Variants in UNC5D observed in about 807,000 individuals in gnomAD.
UNC5D encodes netrin receptor UNC5D.
Under a neutral mutation model 105.4 loss-of-function variants are expected in UNC5D, and 39 were observed. The ratio of observed to expected loss-of-function variants is 0.37; its 90% CI spans 0.29 to 0.48. The LOEUF (loss-of-function observed/expected upper bound fraction) is 0.48. UNC5D is among the 20% of genes least tolerant of loss of function. UNC5D has a pLI of 0.98. For synonymous variants in UNC5D, 452 were observed against 450.4 expected, an observed-to-expected ratio of 1.00 and a Z score of -0.04; for missense variants, 991 against 1,202.4, an observed-to-expected ratio of 0.82 and a Z score of 2.60.
chr8:35,573,639 T>C (rs1465696522), intron 3 of UNC5D, among the ~76,000 whole-genome samples: 2 of 152,110 alleles, frequency 1.3e-5, no homozygotes, highest in Non-Finnish European at 2.9e-5. Flanking sequence ...TCATGTACAT[T>C]TGAGTGTTTC....
intron 4 of UNC5D, among the ~76,000 whole-genome samples, chr8:35,668,514 C>A (rs927431083): frequency 4.6e-5 from 7 of 151,972 alleles, no homozygotes; most frequent in Non-Finnish European, 1.0e-4. Flanking sequence ...TAAATCCTTC[C>A]TCATCCTAAT....
intron 1 of UNC5D, among the ~76,000 whole-genome samples, chr8:35,381,071 G>A (rs1017324280): frequency 3.3e-5 from 5 of 152,110 alleles, no homozygotes; most frequent in Non-Finnish European, 7.4e-5. Context: ...GAGTGAATGT[G>A]TGTGTGTGTG....
intron 1 of UNC5D, among the ~76,000 whole-genome samples, chr8:35,449,284 C>A (rs1486943044): frequency 6.6e-6 from 1 of 152,148 alleles, no homozygotes; most frequent in Non-Finnish European, 1.5e-5. Flanking sequence ...CTCCCTAACC[C>A]TGTGTTTCTC....
At chr8:35,321,450 A>G (rs1809733295) in intron 1 of UNC5D, among the ~76,000 whole-genome samples, 1 of 152,102 alleles carries the variant, frequency 6.6e-6, no homozygotes, top group Non-Finnish European at 1.5e-5. Flanking sequence ...AATGTTTGGT[A>G]GTTCCTCCTG....
chr8:35,722,540 C>CGG, intron 9 of UNC5D, 145 bp downstream of exon 9: 1 of 1,060,192 alleles, frequency 9.4e-7, no homozygotes, highest in Non-Finnish European at 1.3e-6. Context: ...ATGAACAGAC[C>CGG]GGGCTGGGTG....
At position 35,590,914 on chromosome 8, in the gene UNC5D, T is replaced by A. The variant is rs184638371; in HGVS notation, c.467-4640T>A. Among the ~76,000 whole-genome samples the A allele has an allele frequency of 6.5e-3, 990 of 152,286 alleles. 35 individuals carry two copies. Among genetic ancestry groups the A allele is most frequent in the Admixed American group, 0.054 (819 of 15,272 alleles). On this transcript the variant is annotated intron_variant, in intron 3 of 16. Transcript: ENST00000404895. ...AGCAATTTTAAGTTCATACCATTGG[T>A]TATGCATATTTATGATATATTATGC...
At chr8:35,713,379 T>C (rs894297842) in intron 8 of UNC5D, among the ~76,000 whole-genome samples, 2 of 152,226 alleles carry the variant, frequency 1.3e-5, no homozygotes, top group Non-Finnish European at 2.9e-5. Flanking sequence ...TTTCTAGAGC[T>C]GGAGTTCAAA....
intron 1 of UNC5D, among the ~76,000 whole-genome samples, chr8:35,533,502 TTGTC>T (rs1251161250): frequency 6.6e-6 from 1 of 152,166 alleles, no homozygotes; most frequent in Non-Finnish European, 1.5e-5. Context: ...GTCTTTTTGT[TTGTC>T]TGTGCCCTGC....
chr8:35,762,296 G>A (rs1462395085), intron 14 of UNC5D, among the ~76,000 whole-genome samples: 3 of 152,128 alleles, frequency 2.0e-5, no homozygotes, highest in East Asian at 1.9e-4. Flanking sequence ...TGAGATATGC[G>A]ATGAGAGCCT....
At chr8:35,348,935 T>C (rs944989975) in intron 1 of UNC5D, among the ~76,000 whole-genome samples, 3 of 151,840 alleles carry the variant, frequency 2.0e-5, no homozygotes, top group Non-Finnish European at 4.4e-5. Context: ...TTAGAAACAA[T>C]AAAACCCATT....
intron 1 of UNC5D, among the ~76,000 whole-genome samples, chr8:35,451,249 G>A (rs901262976): frequency 6.6e-6 from 1 of 151,924 alleles, no homozygotes; most frequent in Non-Finnish European, 1.5e-5. Context: ...CTCCATGTTG[G>A]TTAGGCTGGT....
intron 1 of UNC5D, among the ~76,000 whole-genome samples, chr8:35,367,466 G>T (rs1802181906): frequency 6.6e-6 from 1 of 152,188 alleles, no homozygotes; most frequent in African/African-American, 2.4e-5. Context: ...AATGAATCAT[G>T]TTGGGGACTA....
intron 4 of UNC5D, among the ~76,000 whole-genome samples, chr8:35,681,354 C>T (rs1825652260): frequency 6.6e-6 from 1 of 152,156 alleles, no homozygotes; most frequent in African/African-American, 2.4e-5. Context: ...TTCTATTTTA[C>T]CCATTCATTG....
At chr8:35,494,761 G>T (rs946607839) in intron 1 of UNC5D, among the ~76,000 whole-genome samples, 1 of 152,054 alleles carries the variant, frequency 6.6e-6, no homozygotes, top group Non-Finnish European at 1.5e-5. Flanking sequence ...AAATATATTC[G>T]TTATATTTTT....
chr8:35,632,928 A>G (rs112978575), intron 4 of UNC5D, among the ~76,000 whole-genome samples: 154 of 152,310 alleles, frequency 1.0e-3, no homozygotes, highest in Non-Finnish European at 1.7e-3. Flanking sequence ...TGTTTCTGCA[A>G]ACAACCTGCC....
At chr8:35,615,662 G>A (rs1279824705) in intron 4 of UNC5D, among the ~76,000 whole-genome samples, 1 of 151,934 alleles carries the variant, frequency 6.6e-6, no homozygotes, top group Non-Finnish European at 1.5e-5. Flanking sequence ...ATAGCATATT[G>A]CTTTTTAAAA....
chr8:35,298,243 G>A (rs1208432915), intron 1 of UNC5D, among the ~76,000 whole-genome samples: 1 of 152,112 alleles, frequency 6.6e-6, no homozygotes, highest in Non-Finnish European at 1.5e-5. Context: ...CAAGTTTAAG[G>A]GAAGTCAACT....
At chr8:35,626,275 A>G (rs927373154) in intron 4 of UNC5D, among the ~76,000 whole-genome samples, 2 of 152,020 alleles carry the variant, frequency 1.3e-5, no homozygotes, top group Non-Finnish European at 2.9e-5. Flanking sequence ...ATTATTCTTA[A>G]CGTACTTTAC....
At chr8:35,789,895 A>AACACACAC (rs56702865) in intron 16 of UNC5D, among the ~76,000 whole-genome samples, 5,746 of 142,692 alleles carry the variant, frequency 0.04, 242 homozygotes, top group African/African-American at 0.1. Flanking sequence ...TCAAGAAGAA[A>AACACACAC]ACACACACAC....
Sources: allele counts gnomAD v4.1 joint callset (sites outside exome capture counted in the v4.1 genomes callset), GRCh38; gene constraint gnomAD v4.1.1; transcripts MANE v1.5; gene names NCBI Gene and HGNC (gene_info 2026-07-23, HGNC 2026-07-21).